The following TSG101 variants were observed in gnomAD, a reference collection of about 807,000 sequenced individuals.
TSG101 encodes the protein tumor susceptibility 101.
Under a neutral mutation model 48.5 loss-of-function variants are expected in TSG101, and 19 were observed. The observed-to-expected ratio is 0.39, with a 90% CI of 0.27 to 0.58. The LOEUF (loss-of-function observed/expected upper bound fraction) is 0.58. Ranked by LOEUF, TSG101 falls within the 20% of genes least tolerant of loss-of-function variation. The probability of loss-of-function intolerance (pLI) is 0.55; values close to 1 mark genes in which losing one functional copy is unlikely to be tolerated. For missense variants in TSG101, 365 were observed against 484.4 expected (o/e 0.75, Z 2.31); for synonymous variants, 174 against 169.4 (o/e 1.03, Z -0.21).
At chr11:18,485,542 G>A (rs1849607542) in intron 7 of TSG101, among the ~76,000 whole-genome samples, 1 of 152,148 alleles carries the variant, frequency 6.6e-6, no homozygotes. Flanking sequence ...CTTAGAATGT[G>A]CTTTTTTGGA....
At chr11:18,499,413 T>A (rs1169171319) in intron 7 of TSG101, among the ~76,000 whole-genome samples, 14 of 59,060 alleles carry the variant, frequency 2.4e-4, no homozygotes, top group African/African-American at 6.2e-4. Flanking sequence ...TTTTTTTTTT[T>A]TTTTTTTTTT....
At chr11:18,484,095 A>T in intron 7 of TSG101, 23 bp from the exon 8 acceptor site, 3 of 1,610,754 alleles carry the variant, frequency 1.9e-6, no homozygotes, top group Non-Finnish European at 2.5e-6. Context: ...GAGGCAAAAA[A>T]CACTTGCTTA....
At position 18,502,432 on chromosome 11, in the gene TSG101, C is replaced by T. The variant is rs1565088627; in HGVS notation, c.640+54G>A. 1.4e-6 allele frequency: 2 copies of T among 1,434,332 alleles called. 1 individual carries two copies. Among genetic ancestry groups the T allele is most frequent in the South Asian group, 2.5e-5 (2 of 80,922 alleles). The allele number at this position is 1,434,332 out of a possible 1,614,324, so 88.9% of individuals were successfully genotyped here. On this transcript the variant is annotated intron_variant, in intron 7 of 9. Coordinates refer to ENST00000251968, the MANE Select transcript of TSG101 (RefSeq NM_006292.4). ...CACAAGTGAAATGTGCTTTTCACAACAGGGAGTTAGACTTTGCTTATATGG... is the reference window on the plus strand; with the variant it reads ...CACAAGTGAAATGTGCTTTTCACAATAGGGAGTTAGACTTTGCTTATATGG...
chr11:18,498,151 T>C (rs1366293584), intron 7 of TSG101, among the ~76,000 whole-genome samples: 4 of 151,928 alleles, frequency 2.6e-5, no homozygotes, highest in African/African-American at 4.8e-5. Context: ...TGCACAGAAA[T>C]AGGCCGTGGA....
At chr11:18,516,059 TC>T in intron 3 of TSG101, 39 bp downstream of exon 3, 1 of 1,564,138 alleles carries the variant, frequency 6.4e-7, no homozygotes, top group Non-Finnish European at 8.8e-7. Flanking sequence ...TATTATGTAT[TC>T]AAAATGCATC....
chr11:18,505,122 G>A (rs190082969), intron 6 of TSG101, among the ~76,000 whole-genome samples: 7 of 152,228 alleles, frequency 4.6e-5, no homozygotes, highest in Admixed American at 2.0e-4. Context: ...TATGACATGT[G>A]TTCAGAAATC....
At position 18,512,504 on chromosome 11, in the gene TSG101, T is replaced by C. The variant is rs140642135; in HGVS notation, c.357+2174A>G. 5.9e-3 allele frequency among the ~76,000 whole-genome samples: 899 copies of C among 152,310 alleles called. 9 individuals are homozygous for C. Among genetic ancestry groups the C allele is most frequent in the African/African-American group, 0.021 (867 of 41,564 alleles). On this transcript the variant is annotated intron_variant, in intron 4 of 9. Coordinates refer to ENST00000251968, the MANE Select transcript of TSG101 (RefSeq NM_006292.4). ...CTGTGTCTGATAACCAAGTTACCTG[T>C]GTGTTTGTGGGGGTGGAGTGGAGGG...
At chr11:18,520,287 A>G (rs1007803851) in intron 1 of TSG101, among the ~76,000 whole-genome samples, 1 of 152,186 alleles carries the variant, frequency 6.6e-6, no homozygotes, top group Non-Finnish European at 1.5e-5. Flanking sequence ...AGAGTGGCAC[A>G]ATCACAGCTC....
At chr11:18,499,264 TTTA>T (rs1433562882) in intron 7 of TSG101, among the ~76,000 whole-genome samples, 2 of 120,290 alleles carry the variant, frequency 1.7e-5, no homozygotes, top group Admixed American at 9.5e-5. Context: ...TTATATATAT[TTTA>T]TATATATTTA....
chr11:18,525,749 T>C (rs1399910859), intron 1 of TSG101: 1 of 874,320 alleles, frequency 1.1e-6, no homozygotes, highest in Non-Finnish European at 1.4e-6. Flanking sequence ...GCCTAAAATA[T>C]ACGATTACAC....
chr11:18,490,474 G>A, intron 7 of TSG101: 5 of 516,178 alleles, frequency 9.7e-6, no homozygotes, highest in South Asian at 7.2e-5. Flanking sequence ...AGTCAAACTG[G>A]ATGTGTAGGC....
rs140728711 is a variant in TSG101, at chr11:18,513,840, C to T, written c.357+838G>A. ...CTGTAATCCCAGCACTTTAGAAGGC[C>T]GAGATGGGTGGATCACTTGAGGTCA... On this transcript the variant is annotated intron_variant, in intron 4 of 9. Transcript: ENST00000251968. 8.4e-4 allele frequency among the ~76,000 whole-genome samples: 128 copies of T among 152,156 alleles called. 1 individual carries two copies. The East Asian group carries it at 0.021, about 26-fold the overall frequency.
chr11:18,485,804 C>T (rs971645237), intron 7 of TSG101, among the ~76,000 whole-genome samples: 11 of 152,170 alleles, frequency 7.2e-5, no homozygotes, highest in Non-Finnish European at 1.2e-4. Flanking sequence ...ATTTCATTAA[C>T]AGCAACAGGA....
At chr11:18,520,891 C>T (rs1022706773) in intron 1 of TSG101, among the ~76,000 whole-genome samples, 1 of 151,930 alleles carries the variant, frequency 6.6e-6, no homozygotes, top group East Asian at 1.9e-4. Context: ...ATTATCTGGG[C>T]GTGGTGGTCC....
chr11:18,502,398 T>C, intron 7 of TSG101, 88 bp downstream of exon 7: 2 of 1,054,646 alleles, frequency 1.9e-6, no homozygotes, highest in South Asian at 3.2e-5. Context: ...GAAAGAGTAG[T>C]CCAAAATTCA....
At chr11:18,489,302 A>G (rs1431655749) in intron 7 of TSG101, among the ~76,000 whole-genome samples, 1 of 151,092 alleles carries the variant, frequency 6.6e-6, no homozygotes, top group Non-Finnish European at 1.5e-5. Context: ...AGGTGCAACC[A>G]CAGGGCACTG....
intron 6 of TSG101, among the ~76,000 whole-genome samples, chr11:18,503,395 C>T (rs866191769): frequency 5.8e-4 from 74 of 126,968 alleles, no homozygotes; most frequent in African/African-American, 1.6e-3. Flanking sequence ...TTTTTTGAGA[C>T]GGAGTCTCGC....
At chr11:18,522,127 T>C (rs751002366) in intron 1 of TSG101, among the ~76,000 whole-genome samples, 1 of 152,334 alleles carries the variant, frequency 6.6e-6, no homozygotes, top group Non-Finnish European at 1.5e-5. Flanking sequence ...CTTGGTCTTC[T>C]TCTCTATCTA....
intron 1 of TSG101, among the ~76,000 whole-genome samples, chr11:18,524,510 C>T (rs1850333436): frequency 6.6e-6 from 1 of 152,198 alleles, no homozygotes; most frequent in Admixed American, 6.5e-5. Flanking sequence ...TGAAGCCCTT[C>T]TTTAGGAGGA....
Sources: gnomAD v4.1 joint callset for allele counts (sites outside exome capture counted in the v4.1 genomes callset) on GRCh38, gnomAD v4.1.1 for gene constraint, MANE v1.5 for transcripts, NCBI Gene and HGNC (gene_info 2026-07-23, HGNC 2026-07-21) for gene names.